Variants in STK3 observed in about 807,000 individuals in gnomAD.
STK3 encodes serine/threonine-protein kinase 3.
A neutral mutation model predicts 58.0 loss-of-function variants in STK3; 41 were observed. The observed-to-expected ratio is 0.71, with a 90% confidence interval of 0.55 to 0.92. The LOEUF (loss-of-function observed/expected upper bound fraction) is 0.92. Among genes scored for constraint, STK3 ranks in the 40% least tolerant of loss-of-function variants. STK3 has a pLI of 0.00. For missense variants in STK3, 479 were observed against 602.7 expected (o/e 0.79, Z 2.15); for synonymous variants, 170 against 191.0 (o/e 0.89, Z 0.91).
At chr8:98,864,419 C>G (rs1009595559) in intron 3 of STK3, among the ~76,000 whole-genome samples, 3 of 152,070 alleles carry the variant, frequency 2.0e-5, no homozygotes, top group Non-Finnish European at 4.4e-5. Context: ...CTGTATGCAC[C>G]AGGAACTGCT....
chr8:98,885,213 AC>A (rs1037123107), intron 1 of STK3, among the ~76,000 whole-genome samples: 46 of 152,320 alleles, frequency 3.0e-4, no homozygotes, highest in African/African-American at 1.1e-3. Context: ...CTGAACCAAG[AC>A]CAGGCCTGCC....
intron 1 of STK3, among the ~76,000 whole-genome samples, chr8:98,781,074 T>G (rs1245149563): frequency 6.6e-6 from 1 of 152,146 alleles, no homozygotes. Context: ...CTCAACAAAA[T>G]GTAAGAAACT....
intron 1 of STK3, among the ~76,000 whole-genome samples, chr8:98,823,282 G>A (rs996764368): frequency 1.3e-5 from 2 of 152,110 alleles, no homozygotes; most frequent in African/African-American, 4.8e-5. Flanking sequence ...CAACGACATC[G>A]ATAAGGCCAT....
intron 1 of STK3, among the ~76,000 whole-genome samples, chr8:98,443,071 G>T (rs1396847697): frequency 6.6e-6 from 1 of 151,400 alleles, no homozygotes; most frequent in Non-Finnish European, 1.5e-5. Flanking sequence ...TGTCTGTTTT[G>T]TGTGAATTAA....
intron 1 of STK3, among the ~76,000 whole-genome samples, chr8:98,798,506 T>C (rs1426323795): frequency 1.3e-5 from 2 of 152,178 alleles, no homozygotes; most frequent in Non-Finnish European, 2.9e-5. Flanking sequence ...TTCTAGTTGC[T>C]TGGGAATTTT....
intron 9 of STK3, among the ~76,000 whole-genome samples, chr8:98,531,412 T>C (rs1241287882): frequency 3.9e-5 from 6 of 152,198 alleles, no homozygotes; most frequent in Admixed American, 1.3e-4. Flanking sequence ...AATCTTTTTT[T>C]CTCAGCAGTA....
At chr8:98,838,341 C>G (rs1176471487) in intron 3 of STK3, among the ~76,000 whole-genome samples, 5 of 152,128 alleles carry the variant, frequency 3.3e-5, no homozygotes, top group African/African-American at 1.2e-4. Context: ...CTTTCAATTT[C>G]TTTTTATTCC....
chr8:98,777,777 G>A (rs1042445734), intron 1 of STK3, among the ~76,000 whole-genome samples: 1 of 152,192 alleles, frequency 6.6e-6, no homozygotes, highest in Non-Finnish European at 1.5e-5. Context: ...AAGCAATGGG[G>A]AAAGGATTCC....
chr8:98,446,791 T>C (rs1271052722), intron 1 of STK3, among the ~76,000 whole-genome samples: 18 of 152,124 alleles, frequency 1.2e-4, no homozygotes, highest in Admixed American at 1.2e-3. Flanking sequence ...TGCACGCAAA[T>C]GTTCATTGCT....
intron 2 of STK3, among the ~76,000 whole-genome samples, chr8:98,373,243 CCTT>C (rs1177928451): frequency 6.6e-6 from 1 of 152,164 alleles, no homozygotes; most frequent in African/African-American, 2.4e-5. Context: ...CTTAACATCT[CCTT>C]CTGTGTCCGA....
chr8:98,344,716 A>ACCC, the STK3 span, among the ~76,000 whole-genome samples: 1 of 151,042 alleles, frequency 6.6e-6, no homozygotes, highest in African/African-American at 2.4e-5. Flanking sequence ...AAACGGTGAA[A>ACCC]CCCCGTCTCT....
At chr8:98,416,642 G>A (rs1023450567) in intron 3 of STK3, among the ~76,000 whole-genome samples, 3 of 152,046 alleles carry the variant, frequency 2.0e-5, no homozygotes, top group Non-Finnish European at 4.4e-5. Flanking sequence ...TTTCTACCAC[G>A]ATAAAAATAC....
At chr8:98,751,709 T>C (rs925965251) in intron 3 of STK3, among the ~76,000 whole-genome samples, 11 of 152,154 alleles carry the variant, frequency 7.2e-5, no homozygotes, top group South Asian at 4.1e-4. Flanking sequence ...ACCCAGCACT[T>C]TGAGAGGATC....
At chr8:98,903,557 C>CTTTT (rs1200563228) in intron 1 of STK3, among the ~76,000 whole-genome samples, 2 of 9,924 alleles carry the variant, frequency 2.0e-4, no homozygotes, top group Non-Finnish European at 4.5e-4. Context: ...CTTCTTCTTC[C>CTTTT]TTTTTTTTTT....
chr8:98,651,733 G>C (rs914218324), intron 6 of STK3: 4 of 152,212 alleles, frequency 2.6e-5, no homozygotes, highest in African/African-American at 7.2e-5. Context: ...CTGGAAGAAA[G>C]GGTATCAGTG....
intron 3 of STK3, among the ~76,000 whole-genome samples, chr8:98,836,570 G>A (rs901285351): frequency 9.2e-5 from 14 of 152,154 alleles, no homozygotes; most frequent in Admixed American, 9.2e-4. Flanking sequence ...CCAATCCCTT[G>A]TTACTCCAGT....
chr8:98,469,374 A>G (rs1421152045), intron 10 of STK3, among the ~76,000 whole-genome samples: 2 of 152,166 alleles, frequency 1.3e-5, no homozygotes, highest in African/African-American at 4.8e-5. Flanking sequence ...ACCTTGCAAA[A>G]TGAGTGTGTT....
At chr8:98,467,737 A>AGG (rs1257618422) in intron 10 of STK3, among the ~76,000 whole-genome samples, 2 of 152,254 alleles carry the variant, frequency 1.3e-5, no homozygotes, top group Admixed American at 6.5e-5. Context: ...TTCAATAATA[A>AGG]GGGGCTCATC....
In STK3 at chr8:98,865,903, C is replaced by T. The variant is rs367591847; in HGVS notation, c.110+17744G>A. ...GGCCTGTCGCCTGCCCACAGGGCAACACATGGGGCTGCCCCAGACTGTTTC... is the reference window on the plus strand; with the variant it reads ...GGCCTGTCGCCTGCCCACAGGGCAATACATGGGGCTGCCCCAGACTGTTTC... On this transcript the variant is annotated intron_variant, in intron 3 of 12. Coordinates refer to the STK3 transcript ENST00000523601. 7.9e-5 allele frequency among the ~76,000 whole-genome samples: 12 copies of T among 152,360 alleles called. No individual in the cohort carries two copies. In the East Asian group the frequency reaches 9.6e-4, roughly 12 times the overall value.
Sources: gnomAD v4.1 joint callset for allele counts (sites outside exome capture counted in the v4.1 genomes callset) on GRCh38, gnomAD v4.1.1 for gene constraint, MANE v1.5 for transcripts, NCBI Gene and HGNC (gene_info 2026-07-23, HGNC 2026-07-21) for gene names.